The following RPS7 variants were observed in gnomAD, a reference collection of about 807,000 sequenced individuals.
RPS7 encodes the protein small ribosomal subunit protein eS7.
In RPS7, 1 loss-of-function variant was observed where a neutral mutation model predicts 22.1. The observed-to-expected ratio is 0.05, with a 90% CI of 0.02 to 0.21. RPS7 has a LOEUF of 0.21. Ranked by LOEUF, RPS7 falls within the 10% of genes least tolerant of loss-of-function variation. The probability of loss-of-function intolerance (pLI) is 1.00; values close to 1 mark genes in which losing one functional copy is unlikely to be tolerated. For synonymous variants in RPS7, 80 were observed against 92.0 expected (o/e 0.87, Z 0.74); for missense variants, 137 against 246.4 (o/e 0.56, Z 2.97).
intron 6 of RPS7, chr2:3,580,493 G>T: frequency 1.5e-6 from 1 of 646,372 alleles, no homozygotes; most frequent in South Asian, 1.8e-5. Context: ...CTCTTTCTGT[G>T]GTCTTTTAGT....
At chr2:3,577,393 T>A in intron 4 of RPS7, 1 of 332,940 alleles carries the variant, frequency 3.0e-6, no homozygotes, top group Non-Finnish European at 5.6e-6. Context: ...CTGAAGTCTA[T>A]GGGGAATGAA....
At chr2:3,575,765 G>C (rs947711975) in intron 2 of RPS7, 52 bp from the exon 3 acceptor site, 20 of 1,596,374 alleles carry the variant, frequency 1.3e-5, no homozygotes, top group Non-Finnish European at 1.6e-5. Context: ...TGTTGGGCCC[G>C]GGGTGCTCGG....
At chr2:3,579,645 C>T in intron 5 of RPS7, 2 of 185,228 alleles carry the variant, frequency 1.1e-5, no homozygotes, top group Admixed American at 1.1e-4. Flanking sequence ...ATTCCACTGG[C>T]AGTTCTGTGA....
intron 5 of RPS7, chr2:3,579,778 T>C (rs1168984946): frequency 2.0e-5 from 8 of 406,956 alleles, no homozygotes; most frequent in Non-Finnish European, 4.6e-6. Context: ...TGAGAAATAA[T>C]ACAAGTGAAA....
rs1291628080 is a variant in RPS7 at position 3,575,353 on chromosome 2, A to G, written c.-19+3A>G. ...TTCCTAAGCCGGCGCTCGGCAAGGT[A>G]GGTTGGCGGCCTGCTCTCCGACAGA... On this transcript the variant is annotated splice_donor_region_variant and intron_variant, in intron 1 of 6. Coordinates refer to ENST00000645674, the MANE Select transcript of RPS7 (RefSeq NM_001011.4). 9.4e-6 allele frequency: 5 copies of G among 532,054 alleles called. No individual in the cohort carries two copies. Among genetic ancestry groups the G allele is most frequent in the African/African-American group, 2.0e-5 (1 of 49,468 alleles). 33.0% of individuals were successfully genotyped at this position (532,054 alleles called of 1,614,324 possible).
chr2:3,580,602 C>G, intron 6 of RPS7: 1 of 623,956 alleles, frequency 1.6e-6, no homozygotes, highest in Admixed American at 2.8e-5. Flanking sequence ...CCCCTGATGG[C>G]TTCCCCGGTG....
intron 4 of RPS7, chr2:3,577,138 A>G: frequency 5.0e-6 from 1 of 200,742 alleles, no homozygotes; most frequent in South Asian, 7.6e-5. Context: ...GATCGAGACC[A>G]TCCTGGCTGA....
intron 4 of RPS7, 54 bp downstream of exon 4, chr2:3,576,684 C>T (rs770930406): frequency 6.3e-6 from 10 of 1,590,622 alleles, no homozygotes; most frequent in Non-Finnish European, 7.8e-6. Context: ...GCTAAAATTG[C>T]TTGTATTTAG....
At chr2:3,580,483 CT>C in intron 6 of RPS7, 2 of 654,202 alleles carry the variant, frequency 3.1e-6, no homozygotes, top group Non-Finnish European at 2.8e-6. Context: ...TGGAAGTAGA[CT>C]CTTTCTGTGG....
chr2:3,578,398 A>C (rs1661333058), intron 5 of RPS7: 1 of 152,346 alleles, frequency 6.6e-6, no homozygotes, highest in African/African-American at 2.4e-5. Flanking sequence ...AGAAAAAAAA[A>C]ATCCTAGTGT....
At chr2:3,577,445 T>C in intron 4 of RPS7, 2 of 507,652 alleles carry the variant, frequency 3.9e-6, no homozygotes, top group East Asian at 7.0e-5. Context: ...TTCTGGGTCA[T>C]AGGCATGGGG....
rs1392470365 is a variant in RPS7 at position 3,580,822 on chromosome 2, T to G, written c.525T>G (p.Gly175=). ...TCTTGTAGGTTGAAACTTTTTCTGG[T>G]GTCTATAAGAAGCTCACGGGCAAGG... ...NVEHKVETFS[G]VYKKLTGKDV... Residue 175 remains glycine (G), a synonymous_variant, in exon 7 of 7, where the codon GGT becomes GGG. Transcript: ENST00000645674. 2.5e-6 allele frequency: 4 copies of G among 1,596,502 alleles called. No homozygotes were observed. In the Admixed American group the frequency reaches 6.7e-5, roughly 27 times the overall value.
chr2:3,576,916 T>C (rs930656828), intron 4 of RPS7: 1 of 427,898 alleles, frequency 2.3e-6, no homozygotes, highest in Non-Finnish European at 4.3e-6. Flanking sequence ...GTACGTTCTT[T>C]AATTAAGAGT....
intron 3 of RPS7, 155 bp downstream of exon 3, chr2:3,576,043 G>A (rs2147819530): frequency 2.9e-6 from 2 of 687,148 alleles, no homozygotes; most frequent in Non-Finnish European, 2.7e-6. Flanking sequence ...GAGTGATACC[G>A]CCCAGGTGCG....
At chr2:3,579,388 A>G (rs991225640) in intron 5 of RPS7, 3 of 152,614 alleles carry the variant, frequency 2.0e-5, no homozygotes, top group African/African-American at 7.2e-5. Flanking sequence ...GCGCTGCCAG[A>G]TAGGAAATCC....
intron 5 of RPS7, 51 bp from the exon 6 acceptor site, chr2:3,580,058 GC>G: frequency 6.3e-7 from 1 of 1,589,152 alleles, no homozygotes; most frequent in Non-Finnish European, 8.6e-7. Context: ...CTCTGGAGTT[GC>G]CCAGAGGGCA....
intron 5 of RPS7, chr2:3,579,748 G>A (rs1419665213): frequency 5.1e-5 from 18 of 351,920 alleles, no homozygotes; most frequent in South Asian, 7.9e-5. Flanking sequence ...GAGTGTTAAA[G>A]GTTATTGTAG....
At chr2:3,575,956 T>A (rs1572358043) in intron 3 of RPS7, 68 bp downstream of exon 3, 1 of 1,127,186 alleles carries the variant, frequency 8.9e-7, no homozygotes, top group African/African-American at 1.5e-5. Flanking sequence ...CCTGAGAGGG[T>A]TGGACCTGGG....
Position 3,580,090 on chromosome 2 carries a change from C to T in RPS7, c.357-20C>T, listed in dbSNP as rs758993781. 1.2e-6 allele frequency: 2 copies of T among 1,613,388 alleles called. No individual in the cohort carries two copies. The highest frequency in any genetic ancestry group is 2.2e-5 in the East Asian group (1 of 44,890). Reference sequence around the variant, plus strand: ...GGGCAGGCGTTGCTAGGTTGCTTACCTTTTAAACTATTCTTTTAGCCGTAC... The same window carrying T: ...GGGCAGGCGTTGCTAGGTTGCTTACTTTTTAAACTATTCTTTTAGCCGTAC... On this transcript the variant is annotated intron_variant, in intron 5 of 6. Transcript: ENST00000645674.
Sources: allele counts gnomAD v4.1 joint callset, GRCh38; gene constraint gnomAD v4.1.1; transcripts MANE v1.5; gene names NCBI Gene and HGNC (gene_info 2026-07-23, HGNC 2026-07-21).